Variants in PAX3 observed in about 807,000 individuals in gnomAD.
PAX3 encodes the protein paired box 3.
A neutral mutation model predicts 51.6 loss-of-function variants in PAX3; 14 were observed. That is an observed-to-expected ratio of 0.27 (90% CI 0.18 to 0.42). The LOEUF (loss-of-function observed/expected upper bound fraction) is 0.42. Among genes scored for constraint, PAX3 ranks in the 10% least tolerant of loss-of-function variants. The pLI is 1.00. For synonymous variants in PAX3, 280 were observed against 253.4 expected, an observed-to-expected ratio of 1.11 and a Z score of -1.00; for missense variants, 540 against 642.8, an observed-to-expected ratio of 0.84 and a Z score of 1.73.
chr2:222,214,116 G>A (rs1393970807), intron 7 of PAX3, among the ~76,000 whole-genome samples: 1 of 152,126 alleles, frequency 6.6e-6, no homozygotes, highest in Non-Finnish European at 1.5e-5. Flanking sequence ...TTTTGCCTTG[G>A]CAGCTAAAGA....
intron 5 of PAX3, among the ~76,000 whole-genome samples, chr2:222,221,951 T>G (rs929361051): frequency 3.9e-5 from 6 of 152,098 alleles, no homozygotes; most frequent in Non-Finnish European, 8.8e-5. Flanking sequence ...CTGATCTCGG[T>G]GGAAATAAAT....
intron 4 of PAX3, 87 bp from the exon 5 acceptor site, chr2:222,232,370 A>ATGGTGTCTTGCAGTC: frequency 6.9e-6 from 8 of 1,154,284 alleles, no homozygotes; most frequent in Non-Finnish European, 1.0e-5. Flanking sequence ...TCCGACTGCA[A>ATGGTGTCTTGCAGTC]GACACCATTA....
chr2:222,269,534 G>T (rs529729265), intron 4 of PAX3, among the ~76,000 whole-genome samples: 3 of 152,136 alleles, frequency 2.0e-5, no homozygotes, highest in Admixed American at 1.3e-4. Context: ...TTTTCCTTAA[G>T]TAGTGATTAG....
intron 4 of PAX3, among the ~76,000 whole-genome samples, chr2:222,293,299 C>T (rs1003898471): frequency 6.6e-6 from 1 of 152,200 alleles, no homozygotes; most frequent in African/African-American, 2.4e-5. Flanking sequence ...CTGCCGTCTC[C>T]TGCTGCAATG....
chr2:222,261,303 C>A (rs1693852748), intron 4 of PAX3, among the ~76,000 whole-genome samples: 1 of 152,076 alleles, frequency 6.6e-6, no homozygotes, highest in South Asian at 2.1e-4. Context: ...CTTGCTGAAT[C>A]CTTAATTATA....
intron 7 of PAX3, among the ~76,000 whole-genome samples, chr2:222,204,059 A>C (rs2106038449): frequency 6.6e-6 from 1 of 152,348 alleles, no homozygotes; most frequent in Admixed American, 6.5e-5. Context: ...GATATGTGGT[A>C]AAACATCCTT....
intron 4 of PAX3, among the ~76,000 whole-genome samples, chr2:222,247,830 A>G (rs1693284572): frequency 6.6e-6 from 1 of 152,088 alleles, no homozygotes; most frequent in Non-Finnish European, 1.5e-5. Flanking sequence ...TTTACATCTA[A>G]CCATTATATA....
intron 7 of PAX3, among the ~76,000 whole-genome samples, chr2:222,216,639 C>G (rs1039424102): frequency 2.0e-4 from 31 of 152,024 alleles, no homozygotes; most frequent in Non-Finnish European, 2.6e-4. Flanking sequence ...TAATTCCCAG[C>G]CTTTGCTCAA....
chr2:222,252,166 T>C (rs1486111450), intron 4 of PAX3, among the ~76,000 whole-genome samples: 1 of 152,200 alleles, frequency 6.6e-6, no homozygotes, highest in African/African-American at 2.4e-5. Context: ...TGCTCATCCA[T>C]TCCTATATTT....
At chr2:222,285,255 A>G (rs909486657) in intron 4 of PAX3, among the ~76,000 whole-genome samples, 15 of 152,336 alleles carry the variant, frequency 9.8e-5, no homozygotes, top group African/African-American at 3.4e-4. Flanking sequence ...TGAATATTGG[A>G]AGAATTTAAA....
At chr2:222,215,188 G>A (rs1282598673) in intron 7 of PAX3, among the ~76,000 whole-genome samples, 1 of 152,104 alleles carries the variant, frequency 6.6e-6, no homozygotes, top group Non-Finnish European at 1.5e-5. Flanking sequence ...AAAAATGTCA[G>A]TGATATAAGA....
chr2:222,286,843 T>C (rs1238888699), intron 4 of PAX3, among the ~76,000 whole-genome samples: 2 of 152,250 alleles, frequency 1.3e-5, no homozygotes, highest in Non-Finnish European at 2.9e-5. Flanking sequence ...TAACACCTAT[T>C]ATTCCTCAAC....
intron 4 of PAX3, among the ~76,000 whole-genome samples, chr2:222,279,887 G>A (rs1241640498): frequency 2.0e-5 from 3 of 152,084 alleles, no homozygotes; most frequent in Non-Finnish European, 4.4e-5. Flanking sequence ...CTCCTTATCT[G>A]ACCAAGGTAT....
chr2:222,253,705 C>T (rs756081868), intron 4 of PAX3, among the ~76,000 whole-genome samples: 4 of 151,508 alleles, frequency 2.6e-5, no homozygotes, highest in Non-Finnish European at 5.9e-5. Context: ...GTCTGGAGTG[C>T]AGTGTCATGA....
intron 4 of PAX3, among the ~76,000 whole-genome samples, chr2:222,248,449 T>A (rs1400670981): frequency 1.3e-5 from 2 of 152,216 alleles, no homozygotes; most frequent in East Asian, 3.8e-4. Flanking sequence ...CTCACAGCCA[T>A]CAATGCCCCT....
intron 1 of PAX3, 67 bp downstream of exon 1, chr2:222,298,464 G>A (rs1031614976): frequency 1.6e-5 from 21 of 1,339,072 alleles, no homozygotes; most frequent in Non-Finnish European, 2.2e-5. Context: ...TGCGGAGCCT[G>A]GGGATGGGGT....
At chr2:222,208,782 A>G (rs1466807851) in intron 7 of PAX3, among the ~76,000 whole-genome samples, 1 of 152,136 alleles carries the variant, frequency 6.6e-6, no homozygotes, top group Non-Finnish European at 1.5e-5. Context: ...GCTAAATATT[A>G]CTTGACCCTT....
intron 4 of PAX3, among the ~76,000 whole-genome samples, chr2:222,247,199 C>T (rs45601836): frequency 1.3e-5 from 2 of 152,230 alleles, no homozygotes; most frequent in African/African-American, 2.4e-5. Flanking sequence ...GGAGGGGGCT[C>T]TTCAAATATT....
At chr2:222,290,302 C>T (rs1346350777) in intron 4 of PAX3, among the ~76,000 whole-genome samples, 1 of 152,200 alleles carries the variant, frequency 6.6e-6, no homozygotes, top group African/African-American at 2.4e-5. Context: ...GACAAGCTTA[C>T]AAATAAAATG....
Sources: allele counts gnomAD v4.1 joint callset (sites outside exome capture counted in the v4.1 genomes callset), GRCh38; gene constraint gnomAD v4.1.1; transcripts MANE v1.5; gene names NCBI Gene and HGNC (gene_info 2026-07-23, HGNC 2026-07-21).